The following PAK5 variants were observed in gnomAD, a reference collection of about 807,000 sequenced individuals.
The protein encoded by PAK5 is serine/threonine-protein kinase PAK 5.
A neutral mutation model predicts 65.9 loss-of-function variants in PAK5; 16 were observed. The ratio of observed to expected loss-of-function variants is 0.24; its 90% CI spans 0.16 to 0.37. The LOEUF (loss-of-function observed/expected upper bound fraction) is 0.37, where lower values mean the gene tolerates loss of function less well. PAK5 is among the 10% of genes least tolerant of loss of function. The probability of loss-of-function intolerance (pLI) is 1.00; values close to 1 mark genes in which losing one functional copy is unlikely to be tolerated. For missense variants in PAK5, 785 were observed against 903.9 expected, an observed-to-expected ratio of 0.87 and a Z score of 1.69; for synonymous variants, 371 against 354.9, an observed-to-expected ratio of 1.05 and a Z score of -0.51.
chr20:9,766,550 T>TATA (rs2048771126), intron 1 of PAK5, among the ~76,000 whole-genome samples: 67 of 135,194 alleles, frequency 5.0e-4, no homozygotes, highest in Non-Finnish European at 9.2e-4. Context: ...TATATATATA[T>TATA]TTTCAAGCAG....
chr20:9,566,514 G>A, intron 4 of PAK5, 130 bp from the exon 5 acceptor site: 3 of 879,780 alleles, frequency 3.4e-6, no homozygotes, highest in Non-Finnish European at 3.6e-6. Flanking sequence ...TCTGGCTGGG[G>A]CACCAACAGG....
chr20:9,638,388 C>G (rs762173776), intron 3 of PAK5, among the ~76,000 whole-genome samples: 7 of 152,222 alleles, frequency 4.6e-5, no homozygotes, highest in Non-Finnish European at 1.0e-4. Flanking sequence ...TTTGGGCACA[C>G]AAACTGTTGA....
intron 2 of PAK5, among the ~76,000 whole-genome samples, chr20:9,675,003 G>T (rs1311836902): frequency 6.6e-6 from 1 of 152,144 alleles, no homozygotes; most frequent in Non-Finnish European, 1.5e-5. Context: ...GGGGGAACTG[G>T]GGATCTGGGT....
intron 1 of PAK5, among the ~76,000 whole-genome samples, chr20:9,794,682 A>G (rs1209248439): frequency 6.6e-6 from 1 of 152,070 alleles, no homozygotes; most frequent in Non-Finnish European, 1.5e-5. Flanking sequence ...GAATTAAGAA[A>G]CCAGAGGAAA....
intron 1 of PAK5, among the ~76,000 whole-genome samples, chr20:9,809,418 A>G (rs1347423636): frequency 6.6e-6 from 1 of 151,786 alleles, no homozygotes; most frequent in Non-Finnish European, 1.5e-5. Context: ...TTAAAAAAAT[A>G]AAAAGGAGAA....
chr20:9,806,426 T>C (rs2123745676), intron 1 of PAK5, among the ~76,000 whole-genome samples: 1 of 152,320 alleles, frequency 6.6e-6, no homozygotes, highest in Middle Eastern at 3.4e-3. Context: ...ATTTGTATCT[T>C]TCAGGCCCTA....
At chr20:9,657,559 T>G (rs1460445061) in intron 2 of PAK5, among the ~76,000 whole-genome samples, 1 of 152,218 alleles carries the variant, frequency 6.6e-6, no homozygotes, top group Non-Finnish European at 1.5e-5. Flanking sequence ...ACAGATTAAT[T>G]AAAATTAGTT....
chr20:9,591,003 T>G (rs1404106076), intron 3 of PAK5, among the ~76,000 whole-genome samples: 1 of 152,168 alleles, frequency 6.6e-6, no homozygotes, highest in East Asian at 1.9e-4. Context: ...CTTTAAAGAA[T>G]TTGTGAACTG....
At chr20:9,687,320 G>A (rs2047732778) in intron 2 of PAK5, among the ~76,000 whole-genome samples, 1 of 152,218 alleles carries the variant, frequency 6.6e-6, no homozygotes, top group Non-Finnish European at 1.5e-5. Context: ...GGAAGCTTGA[G>A]TCACATCATC....
chr20:9,653,324 T>C (rs1569021942), intron 2 of PAK5, among the ~76,000 whole-genome samples: 4 of 152,186 alleles, frequency 2.6e-5, no homozygotes, highest in African/African-American at 4.8e-5. Context: ...CATTCTTTAC[T>C]ATAAGTTTAC....
intron 2 of PAK5, among the ~76,000 whole-genome samples, chr20:9,691,572 T>C (rs2047798299): frequency 6.6e-6 from 1 of 152,190 alleles, no homozygotes; most frequent in Non-Finnish European, 1.5e-5. Context: ...TGTCCTTTCC[T>C]TGCTCTGGAC....
chr20:9,656,503 A>T (rs1472385311), intron 2 of PAK5, among the ~76,000 whole-genome samples: 4 of 152,196 alleles, frequency 2.6e-5, no homozygotes, highest in Non-Finnish European at 2.9e-5. Context: ...TCCTACAAAA[A>T]TATTAAGTAA....
chr20:9,738,359 T>C (rs1399478301), intron 1 of PAK5, among the ~76,000 whole-genome samples: 7 of 152,146 alleles, frequency 4.6e-5, no homozygotes, highest in Non-Finnish European at 1.0e-4. Flanking sequence ...TACAAAGGCT[T>C]ATATACACAT....
At chr20:9,774,040 A>G (rs895866911) in intron 1 of PAK5, among the ~76,000 whole-genome samples, 1 of 152,230 alleles carries the variant, frequency 6.6e-6, no homozygotes, top group Admixed American at 6.5e-5. Context: ...GGAGATCCAC[A>G]AAGCAAAGCA....
chr20:9,781,731 C>T (rs1416884073), intron 1 of PAK5, among the ~76,000 whole-genome samples: 1 of 152,086 alleles, frequency 6.6e-6, no homozygotes, highest in Non-Finnish European at 1.5e-5. Context: ...TTCCCCTCTC[C>T]CGTACCAACA....
At chr20:9,781,223 G>A (rs973997888) in intron 1 of PAK5, among the ~76,000 whole-genome samples, 9 of 152,166 alleles carry the variant, frequency 5.9e-5, no homozygotes, top group Non-Finnish European at 1.2e-4. Context: ...GGGTAGGCCT[G>A]AGAGAAAGGT....
At chr20:9,597,722 G>A (rs2046295192) in intron 3 of PAK5, among the ~76,000 whole-genome samples, 1 of 152,198 alleles carries the variant, frequency 6.6e-6, no homozygotes, top group African/African-American at 2.4e-5. Flanking sequence ...TCTAGAGGCT[G>A]TGCAGCTTTG....
intron 1 of PAK5, among the ~76,000 whole-genome samples, chr20:9,719,841 A>G (rs2048193697): frequency 6.6e-6 from 1 of 152,210 alleles, no homozygotes; most frequent in Non-Finnish European, 1.5e-5. Context: ...ACAATGATGT[A>G]TGTGTGAGAA....
intron 1 of PAK5, among the ~76,000 whole-genome samples, chr20:9,820,370 T>A (rs1457091213): frequency 6.6e-6 from 1 of 152,192 alleles, no homozygotes; most frequent in Admixed American, 6.5e-5. Flanking sequence ...CTAATTAAAT[T>A]GGGCCACAAC....
Sources: allele counts gnomAD v4.1 joint callset (sites outside exome capture counted in the v4.1 genomes callset), GRCh38; gene constraint gnomAD v4.1.1; transcripts MANE v1.5; gene names NCBI Gene and HGNC (gene_info 2026-07-23, HGNC 2026-07-21).